The following SNX18 variants were observed in gnomAD, a reference collection of about 807,000 sequenced individuals.
The protein encoded by SNX18 is sorting nexin 18, also known as sorting nexin-18.
A neutral mutation model predicts 48.7 loss-of-function variants in SNX18; 35 were observed. The observed-to-expected ratio is 0.72, with a 90% CI of 0.55 to 0.95. SNX18 has a LOEUF of 0.95. Ranked by LOEUF, SNX18 falls within the 40% of genes least tolerant of loss-of-function variation. SNX18 has a pLI of 0.00. For synonymous variants in SNX18, 492 were observed against 384.7 expected (o/e 1.28, Z -3.26); for missense variants, 824 against 871.0 (o/e 0.95, Z 0.68).
At chr5:54,524,387 C>T (rs1008386865) in intron 1 of SNX18, among the ~76,000 whole-genome samples, 5 of 152,282 alleles carry the variant, frequency 3.3e-5, no homozygotes, top group African/African-American at 4.8e-5. Flanking sequence ...GACCTGCACT[C>T]CCACCCTCCT....
At chr5:54,562,502 G>T in the SNX18 span, among the ~76,000 whole-genome samples, 1 of 152,146 alleles carries the variant, frequency 6.6e-6, no homozygotes, top group Non-Finnish European at 1.5e-5. Flanking sequence ...TGGTCCATAA[G>T]ACTGTAATGG....
the SNX18 span, among the ~76,000 whole-genome samples, chr5:54,590,329 C>G: frequency 0.8 from 121,262 of 152,164 alleles, 49,620 homozygotes; most frequent in Non-Finnish European, 0.89. Context: ...TAGTTCTAGA[C>G]GGGGGGCATT....
chr5:54,620,688 G>A, the SNX18 span, among the ~76,000 whole-genome samples: 1,297 of 152,312 alleles, frequency 8.5e-3, 16 homozygotes, highest in African/African-American at 0.03. Context: ...GTTGGGCAGA[G>A]TAGCCATAAC....
downstream of SNX18, among the ~76,000 whole-genome samples, chr5:54,547,969 G>A (rs78296330): frequency 0.013 from 1,921 of 152,266 alleles, 31 homozygotes; most frequent in African/African-American, 0.042. Flanking sequence ...TCTAGGCAGC[G>A]TATAGAGGGA....
chr5:54,537,897 T>G (rs1017897936), intron 1 of SNX18, among the ~76,000 whole-genome samples: 2 of 152,272 alleles, frequency 1.3e-5, no homozygotes, highest in Admixed American at 6.5e-5. Context: ...TGTCATACTT[T>G]GTTACAGCTC....
chr5:54,552,257 C>T, the SNX18 span, among the ~76,000 whole-genome samples: 1 of 152,228 alleles, frequency 6.6e-6, no homozygotes, highest in Non-Finnish European at 1.5e-5. Flanking sequence ...ATTTGTTCTC[C>T]TTAAACACAT....
the SNX18 span, among the ~76,000 whole-genome samples, chr5:54,629,244 C>A: frequency 1.3e-5 from 2 of 152,166 alleles, no homozygotes; most frequent in Admixed American, 6.5e-5. Context: ...ATGATCACAG[C>A]TATTAGTGGA....
In SNX18 at chr5:54,544,634, A is replaced by AAC. The variant is rs1230803374; in HGVS notation, c.*1202_*1203insAC. 2 of 45,164 alleles carry AAC rather than the reference A, an allele frequency of 4.4e-5. No homozygotes were observed. Among genetic ancestry groups the AAC allele is most frequent in the Non-Finnish European group, 1.0e-4 (2 of 19,592 alleles). The allele number at this position is 45,164 out of a possible 1,614,324, so 2.8% of individuals were successfully genotyped here. A position where few individuals can be genotyped will look rare whatever the true frequency, so the allele number is the denominator to read the frequency against. The stretch of plus-strand genomic sequence containing the variant: ...TTTAAAAAAAAAAAAGGTATTGATG[A>AAC]GCCCCCCCCCCCCAGGACATTTAAC... On this transcript the variant is annotated 3_prime_UTR_variant, in exon 2 of 2. Coordinates refer to ENST00000381410, the MANE Select transcript of SNX18 (RefSeq NM_001102575.2).
chr5:54,594,233 A>G, the SNX18 span, among the ~76,000 whole-genome samples: 1 of 152,256 alleles, frequency 6.6e-6, no homozygotes, highest in African/African-American at 2.4e-5. Flanking sequence ...CTTTAGTGTT[A>G]GAAAGCAGAT....
intron 1 of SNX18, among the ~76,000 whole-genome samples, chr5:54,526,737 A>G (rs1670572190): frequency 6.6e-6 from 1 of 152,206 alleles, no homozygotes; most frequent in Admixed American, 6.5e-5. Flanking sequence ...GCAGTCTAGC[A>G]GGGTGGAGAC....
rs779830244 is a variant in SNX18, at chr5:54,519,128, G to A, written c.1176G>A (p.Gln392=). The A allele has an allele frequency of 1.2e-6, 2 of 1,614,138 alleles. No individual in the cohort carries two copies. Among genetic ancestry groups the A allele is most frequent in the South Asian group, 1.1e-5 (1 of 91,084 alleles). ...PSSTDEKAWK[Q]GKRKAEKDEM... Reference sequence around the variant, plus strand: ...GCACCGACGAGAAAGCCTGGAAGCAGGGCAAGAGGAAGGCCGAGAAGGACG... The same window carrying A: ...GCACCGACGAGAAAGCCTGGAAGCAAGGCAAGAGGAAGGCCGAGAAGGACG... Residue 392 remains glutamine, a synonymous_variant, in exon 1 of 2, where the codon CAG becomes CAA. Coordinates refer to ENST00000381410, the MANE Select transcript of SNX18 (RefSeq NM_001102575.2).
chr5:54,537,373 C>T, intron 1 of SNX18, among the ~76,000 whole-genome samples: 1 of 152,210 alleles, frequency 6.6e-6, no homozygotes, highest in East Asian at 1.9e-4. Flanking sequence ...TGCACCTGCA[C>T]TTTCTTTTCA....
chr5:54,612,596 C>T, the SNX18 span, among the ~76,000 whole-genome samples: 1 of 152,124 alleles, frequency 6.6e-6, no homozygotes, highest in Non-Finnish European at 1.5e-5. Context: ...ATTTTATCGG[C>T]ATACGCACTG....
At chr5:54,542,904 C>G (rs1030713284) in intron 1 of SNX18, among the ~76,000 whole-genome samples, 1 of 152,118 alleles carries the variant, frequency 6.6e-6, no homozygotes, top group Admixed American at 6.5e-5. Context: ...TATAGCATCT[C>G]TACTTGGAAG....
At chr5:54,630,859 A>C in the SNX18 span, among the ~76,000 whole-genome samples, 2 of 149,286 alleles carry the variant, frequency 1.3e-5, no homozygotes, top group African/African-American at 4.9e-5. Context: ...AAGAGACCTC[A>C]TGGAAAGACA....
At chr5:54,539,236 A>T (rs1167652499) in intron 1 of SNX18, among the ~76,000 whole-genome samples, 2 of 147,158 alleles carry the variant, frequency 1.4e-5, no homozygotes, top group African/African-American at 5.1e-5. Context: ...GAAGTCAGTT[A>T]TGCATTCAGA....
chr5:54,596,238 T>TAGTTC, the SNX18 span, among the ~76,000 whole-genome samples: 2 of 151,916 alleles, frequency 1.3e-5, no homozygotes, highest in Non-Finnish European at 2.9e-5. Context: ...TCTTATGATG[T>TAGTTC]TATTTGAAAA....
the SNX18 span, among the ~76,000 whole-genome samples, chr5:54,625,989 T>C: frequency 6.6e-6 from 1 of 152,224 alleles, no homozygotes; most frequent in Non-Finnish European, 1.5e-5. Context: ...ATATTGCTAG[T>C]GCCGTTGTTT....
chr5:54,614,676 T>C, the SNX18 span, among the ~76,000 whole-genome samples: 1 of 152,056 alleles, frequency 6.6e-6, no homozygotes, highest in Non-Finnish European at 1.5e-5. Context: ...TAGCCAGTCG[T>C]GGTGGTGTGT....
Sources: gnomAD v4.1 joint callset for allele counts (sites outside exome capture counted in the v4.1 genomes callset) on GRCh38, gnomAD v4.1.1 for gene constraint, MANE v1.5 for transcripts, NCBI Gene and HGNC (gene_info 2026-07-23, HGNC 2026-07-21) for gene names.